Variants in DLGAP2 observed in about 807,000 individuals in gnomAD.
DLGAP2 encodes disks large-associated protein 2.
In DLGAP2, 26 loss-of-function variants were observed where a neutral mutation model predicts 100.3. That is an observed-to-expected ratio of 0.26 (90% CI 0.19 to 0.36). DLGAP2 has a LOEUF of 0.36. DLGAP2 is among the 10% of genes least tolerant of loss of function. The pLI is 1.00. For synonymous variants in DLGAP2, 886 were observed against 630.1 expected, an observed-to-expected ratio of 1.41 and a Z score of -6.08; for missense variants, 1,858 against 1,453.2, an observed-to-expected ratio of 1.28 and a Z score of -4.53.
At chr8:771,088 C>T (rs192503395) in intron 1 of DLGAP2, among the ~76,000 whole-genome samples, 1 of 152,094 alleles carries the variant, frequency 6.6e-6, no homozygotes, top group African/African-American at 2.4e-5. Context: ...TGACAGGTCC[C>T]TTGGTCCTCC....
At chr8:827,583 C>G (rs1796705328) in intron 1 of DLGAP2, among the ~76,000 whole-genome samples, 1 of 152,118 alleles carries the variant, frequency 6.6e-6, no homozygotes, top group South Asian at 2.1e-4. Flanking sequence ...TTCTGTTGTG[C>G]TTAGACAAGC....
chr8:1,177,172 G>A (rs2116693579), intron 2 of DLGAP2, among the ~76,000 whole-genome samples: 1 of 152,312 alleles, frequency 6.6e-6, no homozygotes, highest in African/African-American at 2.4e-5. Flanking sequence ...CATGAATGAA[G>A]AACTTTGCTG....
At chr8:881,643 G>T (rs1408083635) in intron 1 of DLGAP2, among the ~76,000 whole-genome samples, 11 of 82,162 alleles carry the variant, frequency 1.3e-4, no homozygotes, top group Non-Finnish European at 1.2e-4. Flanking sequence ...GGGATTATAG[G>T]CGCACGCCAC....
At chr8:1,174,797 C>G (rs1186747942) in intron 2 of DLGAP2, among the ~76,000 whole-genome samples, 2 of 152,132 alleles carry the variant, frequency 1.3e-5, no homozygotes, top group African/African-American at 2.4e-5. Flanking sequence ...ATCATTATCA[C>G]TACCTCCATC....
At position 856,171 on chromosome 8, in the gene DLGAP2, A is replaced by ATCTTCTTCTTCTTCT. The variant is rs55832882; in HGVS notation, c.19-51739_19-51725dup. ...ATCCCAAAGAAGAATTAGTGGAAAA[A>ATCTTCTTCTTCTTCT]TCTTCTTCTTCTTCTTTTTTTTTTT... On this transcript the variant is annotated intron_variant, in intron 1 of 14. Coordinates refer to ENST00000637795, the MANE Select transcript of DLGAP2 (RefSeq NM_001346810.2). Among the ~76,000 whole-genome samples, 392 of 126,556 alleles carry ATCTTCTTCTTCTTCT rather than the reference A, an allele frequency of 3.1e-3. 7 individuals are homozygous for ATCTTCTTCTTCTTCT. The highest frequency in any genetic ancestry group is 5.2e-3 in the South Asian group (18 of 3,470). The allele number at this position is 126,556 out of a possible 152,430, so 83.0% of individuals were successfully genotyped here. A position where few individuals can be genotyped will look rare whatever the true frequency, so the allele number is the denominator to read the frequency against.
Position 1,702,450 on chromosome 8 carries a change from G to C in DLGAP2, c.*1044G>C, listed in dbSNP as rs980713190. The C allele has an allele frequency of 1.3e-5, 2 of 152,524 alleles. No individual in the cohort carries two copies. Among genetic ancestry groups the C allele is most frequent in the African/African-American group, 4.8e-5 (2 of 41,394 alleles). The allele number at this position is 152,524 out of a possible 1,614,324, so 9.4% of individuals were successfully genotyped here. On this transcript the variant is annotated 3_prime_UTR_variant, in exon 15 of 15. Transcript: ENST00000637795. ...AGTTTAAGAAATATGAATGTGAGTGGTAAGTATATCTCAGTTTAAATGGTA... is the reference window on the plus strand; with the variant it reads ...AGTTTAAGAAATATGAATGTGAGTGCTAAGTATATCTCAGTTTAAATGGTA...
intron 2 of DLGAP2, among the ~76,000 whole-genome samples, chr8:1,196,427 C>G (rs932587311): frequency 3.3e-5 from 5 of 152,162 alleles, no homozygotes; most frequent in Non-Finnish European, 7.3e-5. Flanking sequence ...GATGTTAATG[C>G]TGAGTGAGTG....
At position 821,053 on chromosome 8, in the gene DLGAP2, C is replaced by T. The variant is rs143772356; in HGVS notation, c.18+83228C>T. ...ACGTTAACTGCTTACAGGAAACCAA[C>T]GGTTGATTTTCAGTTTGTTTATTAT... On this transcript the variant is annotated intron_variant, in intron 1 of 14. Coordinates refer to ENST00000637795, the MANE Select transcript of DLGAP2 (RefSeq NM_001346810.2). Among the ~76,000 whole-genome samples, 13 of 152,302 alleles carry T rather than the reference C, an allele frequency of 8.5e-5. No individual in the cohort carries two copies. The East Asian group carries it at 1.9e-3, about 23-fold the overall frequency.
At chr8:1,186,742 C>T (rs908355405) in intron 2 of DLGAP2, among the ~76,000 whole-genome samples, 2 of 152,110 alleles carry the variant, frequency 1.3e-5, no homozygotes, top group Non-Finnish European at 1.5e-5. Flanking sequence ...AATTTCACGT[C>T]GTCGCCTCCC....
chr8:1,229,812 T>C (rs964792502), intron 2 of DLGAP2, among the ~76,000 whole-genome samples: 6 of 152,026 alleles, frequency 3.9e-5, no homozygotes, highest in African/African-American at 1.2e-4. Flanking sequence ...TTAGATAAAA[T>C]CCAACACCCT....
chr8:1,616,119 T>A (rs890623203), intron 6 of DLGAP2, among the ~76,000 whole-genome samples: 1 of 151,994 alleles, frequency 6.6e-6, no homozygotes, highest in Non-Finnish European at 1.5e-5. Flanking sequence ...AATGAAAAAT[T>A]TATGGGATGT....
At chr8:1,353,417 G>A (rs1801780065) in intron 3 of DLGAP2, among the ~76,000 whole-genome samples, 2 of 152,210 alleles carry the variant, frequency 1.3e-5, no homozygotes. Flanking sequence ...CATGGTCAAT[G>A]AATTATGTAA....
intron 2 of DLGAP2, among the ~76,000 whole-genome samples, chr8:1,043,105 A>G (rs1327294799): frequency 9.4e-4 from 56 of 59,334 alleles, no homozygotes; most frequent in Admixed American, 1.3e-3. Context: ...GGTGGTGGAT[A>G]TGGGTGGTGG....
intron 3 of DLGAP2, chr8:1,368,996 A>C (rs1404886130): frequency 6.6e-6 from 1 of 152,220 alleles, no homozygotes; most frequent in Non-Finnish European, 1.5e-5. Context: ...AACTCTGTGC[A>C]CGTGACGCCC....
intron 3 of DLGAP2, among the ~76,000 whole-genome samples, chr8:1,476,426 G>A (rs1798932310): frequency 6.6e-6 from 1 of 152,132 alleles, no homozygotes; most frequent in Non-Finnish European, 1.5e-5. Context: ...TACACTCCAA[G>A]GGCGTCACCT....
At chr8:1,243,822 A>G (rs767610364) in intron 2 of DLGAP2, among the ~76,000 whole-genome samples, 5 of 152,072 alleles carry the variant, frequency 3.3e-5, no homozygotes, top group Non-Finnish European at 7.4e-5. Context: ...GTCCACATTT[A>G]CTTATATAAC....
At chr8:771,944 C>G (rs907950110) in intron 1 of DLGAP2, among the ~76,000 whole-genome samples, 2 of 152,156 alleles carry the variant, frequency 1.3e-5, no homozygotes, top group Admixed American at 6.6e-5. Flanking sequence ...CTCTCTGTCT[C>G]CAGGCTGGAG....
intron 3 of DLGAP2, among the ~76,000 whole-genome samples, chr8:1,319,077 C>T (rs767934217): frequency 3.9e-5 from 6 of 152,048 alleles, no homozygotes; most frequent in Non-Finnish European, 8.8e-5. Context: ...AGAATGGAGA[C>T]TTGGCGGGAT....
chr8:1,492,777 C>G lies in DLGAP2; in HGVS notation c.107-8589C>G, dbSNP rs75311646. Among the ~76,000 whole-genome samples the G allele has an allele frequency of 6.6e-3, 1,013 of 152,340 alleles. 10 individuals are homozygous for G. The highest frequency in any genetic ancestry group is 0.023 in the African/African-American group (972 of 41,580). On this transcript the variant is annotated intron_variant, in intron 3 of 14. Coordinates refer to ENST00000637795, the MANE Select transcript of DLGAP2 (RefSeq NM_001346810.2). Reference sequence around the variant, plus strand: ...GACGCAGCCGATTTTGCGTGAAGACCTGTGTGCTACCCATGGGAGGCCAAT... The same window carrying G: ...GACGCAGCCGATTTTGCGTGAAGACGTGTGTGCTACCCATGGGAGGCCAAT...
Sources: allele counts gnomAD v4.1 joint callset (sites outside exome capture counted in the v4.1 genomes callset), GRCh38; gene constraint gnomAD v4.1.1; transcripts MANE v1.5; gene names NCBI Gene and HGNC (gene_info 2026-07-23, HGNC 2026-07-21).